SPATA7: variants seen among roughly 807,000 people sequenced by gnomAD.
SPATA7 encodes the protein spermatogenesis-associated protein 7.
A neutral mutation model predicts 51.8 loss-of-function variants in SPATA7; 43 were observed. That is an observed-to-expected ratio of 0.83 (90% confidence interval 0.65 to 1.07). The LOEUF (loss-of-function observed/expected upper bound fraction) is 1.07, where lower values mean the gene tolerates loss of function less well. SPATA7 is among the 50% of genes least tolerant of loss of function. The pLI is 0.00. For synonymous variants in SPATA7, 230 were observed against 252.8 expected (o/e 0.91, Z 0.86); for missense variants, 683 against 701.3 (o/e 0.97, Z 0.30).
chr14:88,448,502 G>A (rs374021085), intron 3 of SPATA7, among the ~76,000 whole-genome samples: 19 of 152,064 alleles, frequency 1.2e-4, no homozygotes, highest in East Asian at 3.9e-4. Context: ...GTCATTCTCC[G>A]TCCAGCTTTG....
At chr14:88,414,975 A>G (rs979491923) in intron 4 of SPATA7, among the ~76,000 whole-genome samples, 1 of 152,128 alleles carries the variant, frequency 6.6e-6, no homozygotes, top group African/African-American at 2.4e-5. Context: ...GTCTTCGAGC[A>G]TGTGGTTGAT....
At position 88,469,807 on chromosome 14, in the gene SPATA7, G is replaced by A. The variant is rs779273252; in HGVS notation, c.255-40G>A. 2.5e-6 allele frequency: 4 copies of A among 1,599,148 alleles called. No homozygotes were observed. Among genetic ancestry groups the A allele is most frequent in the Non-Finnish European group, 3.4e-6 (4 of 1,166,740 alleles). ...CCTTTCTCACATAGACGGCACATCTGAAACAGAACCACAACCCTACCCTGC... is the reference window on the plus strand; with the variant it reads ...CCTTTCTCACATAGACGGCACATCTAAAACAGAACCACAACCCTACCCTGC... On this transcript the variant is annotated intron_variant, in intron 4 of 4. Transcript: ENST00000556406. The surrounding 1 kb of genome is among the most constrained non-coding windows in gnomAD (Gnocchi z 4.3).
intron 4 of SPATA7, chr14:88,414,834 T>C (rs1254020318): frequency 1.5e-5 from 3 of 197,188 alleles, no homozygotes; most frequent in African/African-American, 7.1e-5. Context: ...AGCAAGTTGG[T>C]TTAATTTCCA....
intron 3 of SPATA7, 140 bp from the exon 4 acceptor site, chr14:88,396,016 T>C: frequency 1.4e-6 from 1 of 712,166 alleles, no homozygotes. Context: ...AGTGTATTTT[T>C]AATCAAGGAT....
At position 88,393,442 on chromosome 14, in the gene SPATA7, C is replaced by G. The variant is rs776166521; in HGVS notation, c.144C>G (p.Val48=). 1.9e-6 allele frequency: 3 copies of G among 1,605,790 alleles called. No homozygotes were observed. The highest frequency in any genetic ancestry group is 1.3e-5 in the African/African-American group (1 of 74,804). ...TCAGACTAAGCACTCTCCAGCTGGT[C>G]AAGAATCACATGGCTGTTCACTATA... ...SSLRLSTLQL[V]KNHMAVHYNK... Residue 48 remains valine (V), a synonymous_variant, in exon 3 of 12, where the codon GTC becomes GTG. Transcript: ENST00000393545.
chr14:88,449,411 A>T (rs2077235669), intron 3 of SPATA7, among the ~76,000 whole-genome samples: 1 of 152,136 alleles, frequency 6.6e-6, no homozygotes, highest in African/African-American at 2.4e-5. Context: ...GTTGGTTTCT[A>T]ATTTTATTCT....
Position 88,429,428 on chromosome 14 carries a change from G to A in SPATA7, c.993G>A (p.Glu331=), listed in dbSNP as rs1275450441. The change falls in exon 8 of 12, where the codon GAG becomes GAA. Residue 331 remains glutamate (E), a synonymous_variant. Transcript: ENST00000393545. ...PLEGHDSTWD[E]IKDDALQHSS... is the part of the protein sequence containing the mutation. Reference sequence around the variant, plus strand: ...AAGGGCATGACTCAACATGGGATGAGATTAAGGATGATGCTCTTCAGCATT... The same window carrying A: ...AAGGGCATGACTCAACATGGGATGAAATTAAGGATGATGCTCTTCAGCATT... 6.2e-7 allele frequency: 1 copy of A among 1,612,396 alleles called. No homozygotes were observed.
intron 5 of SPATA7, among the ~76,000 whole-genome samples, chr14:88,418,680 G>A (rs893399811): frequency 5.9e-5 from 9 of 151,956 alleles, no homozygotes; most frequent in Admixed American, 3.9e-4. Flanking sequence ...CACCATGTTG[G>A]CCAGGTTGGT....
exon 5 of SPATA7, chr14:88,470,155 AAAGT>A: frequency 9.9e-7 from 1 of 1,013,342 alleles, no homozygotes; most frequent in Non-Finnish European, 1.4e-6. Flanking sequence ...AAAAAAGTAA[AAAGT>A]AAAAAAGTAG....
At chr14:88,447,181 A>G (rs1474066526) in intron 3 of SPATA7, among the ~76,000 whole-genome samples, 1 of 148,332 alleles carries the variant, frequency 6.7e-6, no homozygotes, top group African/African-American at 2.6e-5. Context: ...TATTGGGTGC[A>G]TATATATTTA....
At chr14:88,446,408 A>C (rs556055218) in intron 3 of SPATA7, among the ~76,000 whole-genome samples, 2 of 152,010 alleles carry the variant, frequency 1.3e-5, no homozygotes, top group African/African-American at 4.8e-5. Flanking sequence ...CAGTCTATCA[A>C]TTTTGTTGAT....
chr14:88,463,225 G>T (rs1034438718), intron 4 of SPATA7, among the ~76,000 whole-genome samples: 1 of 151,986 alleles, frequency 6.6e-6, no homozygotes, highest in Non-Finnish European at 1.5e-5. Flanking sequence ...CATATAAGTG[G>T]CAACAGGAAA....
chr14:88,465,261 G>A (rs370548932), intron 4 of SPATA7, among the ~76,000 whole-genome samples: 1 of 152,148 alleles, frequency 6.6e-6, no homozygotes, highest in African/African-American at 2.4e-5. Context: ...GAGGTCAGGA[G>A]TTGGAGACCA....
rs192292899 is a variant in SPATA7, at chr14:88,392,624, G to A, written c.95-769G>A. 1.8e-3 allele frequency among the ~76,000 whole-genome samples: 278 copies of A among 152,190 alleles called. 1 individual carries two copies. The highest frequency in any genetic ancestry group is 6.5e-3 in the African/African-American group (268 of 41,534). On this transcript the variant is annotated intron_variant, in intron 2 of 11. Transcript: ENST00000393545. ...TAAACAGTAACATAGTATATTTCTG[G>A]GAAGGGAGACTAAAGGTCAGGGTAG... is the stretch of plus-strand genomic sequence containing the variant.
At chr14:88,449,025 T>A (rs541317707) in intron 3 of SPATA7, among the ~76,000 whole-genome samples, 1 of 152,324 alleles carries the variant, frequency 6.6e-6, no homozygotes, top group Admixed American at 6.5e-5. Flanking sequence ...TCTTTGTTTA[T>A]CTTTTATATT....
chr14:88,403,904 CAAAA>C (rs143146708), intron 4 of SPATA7, among the ~76,000 whole-genome samples: 1 of 150,666 alleles, frequency 6.6e-6, no homozygotes, highest in South Asian at 2.1e-4. Flanking sequence ...GTTCTCACCA[CAAAA>C]AAAAGAAAAA....
chr14:88,436,584 T>G (rs2077093533), intron 10 of SPATA7, among the ~76,000 whole-genome samples: 1 of 152,182 alleles, frequency 6.6e-6, no homozygotes, highest in Non-Finnish European at 1.5e-5. Flanking sequence ...TTCATCTATT[T>G]TGATTTGATT....
chr14:88,402,338 A>C (rs1595200572), intron 4 of SPATA7, among the ~76,000 whole-genome samples: 2 of 93,312 alleles, frequency 2.1e-5, no homozygotes, highest in African/African-American at 6.5e-5. Context: ...CAAATAAAAC[A>C]ATCTTGAGCA....
chr14:88,423,983 G>A (rs975763037), intron 5 of SPATA7, among the ~76,000 whole-genome samples: 3 of 152,126 alleles, frequency 2.0e-5, no homozygotes, highest in African/African-American at 7.2e-5. Flanking sequence ...ATGAAAGTAT[G>A]ATGAGTATAT....
Sources: gnomAD v4.1 joint callset for allele counts (sites outside exome capture counted in the v4.1 genomes callset) on GRCh38, gnomAD v4.1.1 for gene constraint, Gnocchi (gnomAD v3.1) non-coding constraint, MANE v1.5 for transcripts, NCBI Gene and HGNC (gene_info 2026-07-23, HGNC 2026-07-21) for gene names.